The following DOCK1 variants were observed in gnomAD, a reference collection of about 807,000 sequenced individuals.
The protein encoded by DOCK1 is dedicator of cytokinesis protein 1.
A neutral mutation model predicts 262.7 loss-of-function variants in DOCK1; 138 were observed. The observed-to-expected ratio is 0.53, with a 90% CI of 0.46 to 0.61. The LOEUF is 0.61. Among genes scored for constraint, DOCK1 ranks in the 20% least tolerant of loss-of-function variants. DOCK1 has a pLI of 0.00. For synonymous variants in DOCK1, 866 were observed against 867.4 expected (o/e 1.00, Z 0.03); for missense variants, 1,908 against 2,370.7 (o/e 0.80, Z 4.05).
chr10:127,194,275 A>C (rs2056946339), intron 27 of DOCK1, among the ~76,000 whole-genome samples: 1 of 152,226 alleles, frequency 6.6e-6, no homozygotes, highest in East Asian at 1.9e-4. Context: ...TAATAAAACC[A>C]TCGTGAGGAG....
rs376797182 is a variant in DOCK1, at chr10:127,106,338, C to T, written c.2516+37C>T. The T allele has an allele frequency of 1.7e-5, 26 of 1,565,590 alleles. 1 individual carries two copies. Among genetic ancestry groups the T allele is most frequent in the Admixed American group, 9.4e-5 (5 of 53,162 alleles). On this transcript the variant is annotated intron_variant, in intron 24 of 51. Coordinates refer to ENST00000623213, the MANE Select transcript of DOCK1 (RefSeq NM_001290223.2). The stretch of plus-strand genomic sequence containing the variant: ...GCCCAGGCGAATGCTTGTCACGTGC[C>T]GTGTGTGACCTCCTTCTCAGTGTGC...
intron 29 of DOCK1, among the ~76,000 whole-genome samples, chr10:127,265,895 G>A (rs2060335432): frequency 6.6e-6 from 1 of 152,214 alleles, no homozygotes; most frequent in Admixed American, 6.5e-5. Context: ...TCGTGTTGGT[G>A]CTCAGAAGGC....
At chr10:127,082,014 C>T (rs2046932590) in intron 23 of DOCK1, among the ~76,000 whole-genome samples, 1 of 152,170 alleles carries the variant, frequency 6.6e-6, no homozygotes, top group Non-Finnish European at 1.5e-5. Context: ...ATGAGCCCTG[C>T]TTTCCTTTCC....
chr10:127,339,037 G>C lies in DOCK1; in HGVS notation c.3076G>C (p.Asp1026His), dbSNP rs556752202. ...CCTGCGAGCAATTAATCAGTATGCA[G>C]ATATGCTGAACAAAAAATTTCTGGA... Reference protein sequence around the residue: ...VFLRAINQYADMLNKKFLDQA... With the variant: ...VFLRAINQYAHMLNKKFLDQA... Residue 1026 changes from aspartate (D) to histidine (H), a missense_variant, in exon 30 of 52, where the codon GAT becomes CAT. Asp to His is a moderately conservative substitution (Grantham distance 81). Transcript: ENST00000623213. 2 of 1,583,194 alleles carry C rather than the reference G, an allele frequency of 1.3e-6. No homozygotes were observed. The highest frequency in any genetic ancestry group is 2.7e-5 in the African/African-American group (2 of 74,272).
rs770399255 is a variant in DOCK1 at position 127,447,445 on chromosome 10, C to G, written c.5465C>G (p.Pro1822Arg). Reference protein sequence around the residue: ...TGADVADVPPPLPLKGSVADY... With the variant: ...TGADVADVPPRLPLKGSVADY... ...GCGGACGTGGCCGATGTCCCACCCC[C>G]TCTGCCTCTCAAAGGCAGCGTGGCA... The change falls in exon 51 of 52, where the codon CCT (proline) becomes CGT (arginine). Residue 1822 changes from proline (P) to arginine (R), a missense_variant. This residue lies in a region of DOCK1 where 383 missense variants were observed against 420.1 expected (regional missense o/e 0.91). Coordinates refer to ENST00000623213, the MANE Select transcript of DOCK1 (RefSeq NM_001290223.2). The G allele has an allele frequency of 1.2e-6, 2 of 1,613,456 alleles. No homozygotes were observed. Among genetic ancestry groups the G allele is most frequent in the Non-Finnish European group, 1.7e-6 (2 of 1,179,706 alleles).
chr10:127,362,071 C>T lies in DOCK1; in HGVS notation c.3291C>T (p.His1097=), dbSNP rs774446753. 2 of 1,608,400 alleles carry T rather than the reference C, an allele frequency of 1.2e-6. No homozygotes were observed. Among genetic ancestry groups the T allele is most frequent in the South Asian group, 1.1e-5 (1 of 89,354 alleles). Residue 1097 remains histidine (H), a synonymous_variant, in exon 33 of 52, where the codon CAC becomes CAT. Coordinates refer to ENST00000623213, the MANE Select transcript of DOCK1 (RefSeq NM_001290223.2). The part of the protein sequence containing the change: ...IRDMWYNLGQ[H]KIKFIPEMVG... ...GTACCTCTTTTTTCCAAGGTCAACA[C>T]AAGATAAAGTTCATTCCAGAAATGG...
At chr10:127,125,627 T>TCCTGCCATTTGCCTGAA (rs770335837) in intron 26 of DOCK1, 26 bp downstream of exon 26, 59 of 1,601,380 alleles carry the variant, frequency 3.7e-5, no homozygotes, top group Non-Finnish European at 4.9e-5. Flanking sequence ...GTGCGTGACG[T>TCCTGCCATTTGCCTGAA]CCTGCCATTT....
intron 27 of DOCK1, among the ~76,000 whole-genome samples, chr10:127,200,196 C>T (rs1020731417): frequency 2.0e-5 from 3 of 152,060 alleles, no homozygotes; most frequent in African/African-American, 7.2e-5. Context: ...AGGGCGAGTC[C>T]ACTGTGCAAA....
At chr10:127,020,813 A>C (rs1564737846) in intron 13 of DOCK1, among the ~76,000 whole-genome samples, 3 of 152,132 alleles carry the variant, frequency 2.0e-5, no homozygotes, top group African/African-American at 7.2e-5. Flanking sequence ...CGCTGTCTTT[A>C]GCCTGCAGAA....
intron 40 of DOCK1, among the ~76,000 whole-genome samples, chr10:127,405,163 G>A (rs2067445963): frequency 6.6e-6 from 1 of 152,166 alleles, no homozygotes; most frequent in African/African-American, 2.4e-5. Flanking sequence ...AATTATATGG[G>A]AAATTGGAAA....
chr10:127,073,182 G>A (rs1186063020), intron 23 of DOCK1, among the ~76,000 whole-genome samples: 1 of 152,182 alleles, frequency 6.6e-6, no homozygotes, highest in Non-Finnish European at 1.5e-5. Context: ...TCAAAGGAAA[G>A]GTATTGCATG....
chr10:127,132,586 G>A (rs148069300), intron 27 of DOCK1, among the ~76,000 whole-genome samples: 1 of 152,218 alleles, frequency 6.6e-6, no homozygotes, highest in African/African-American at 2.4e-5. Context: ...CATCACACAC[G>A]GATCTGAGCA....
rs755224910 is a variant in DOCK1 at position 127,175,348 on chromosome 10, C to T, written c.2847+47584C>T. The T allele has an allele frequency of 1.2e-5, 20 of 1,614,024 alleles. No individual in the cohort carries two copies. The highest frequency in any genetic ancestry group is 5.3e-5 in the African/African-American group (4 of 74,928). On this transcript the variant is annotated intron_variant, in intron 27 of 51. Coordinates refer to ENST00000623213, the MANE Select transcript of DOCK1 (RefSeq NM_001290223.2). This position sits in a 1 kb window ranked among gnomAD's most constrained non-coding sequence, Gnocchi z 6.3. ...AGGTCGACCACTTCCGTATGAGGCA[C>T]GATTCGTTGGCATTCTTCACCTGCA...
At chr10:126,982,784 G>A (rs1020818667) in intron 4 of DOCK1, among the ~76,000 whole-genome samples, 2 of 152,058 alleles carry the variant, frequency 1.3e-5, no homozygotes, top group African/African-American at 4.8e-5. Flanking sequence ...CCTGCAATAT[G>A]GTACTTTTTA....
At chr10:127,157,802 T>C (rs1248746147) in intron 27 of DOCK1, among the ~76,000 whole-genome samples, 1 of 152,228 alleles carries the variant, frequency 6.6e-6, no homozygotes, top group East Asian at 1.9e-4. Context: ...GGGATCTTTC[T>C]TTTGTTTAAA....
chr10:127,124,170 G>A (rs1005778790), intron 25 of DOCK1, among the ~76,000 whole-genome samples: 10 of 152,054 alleles, frequency 6.6e-5, no homozygotes, highest in African/African-American at 2.4e-4. Flanking sequence ...AGTTCTAAGT[G>A]TGCTCTGTGT....
intron 23 of DOCK1, among the ~76,000 whole-genome samples, chr10:127,090,869 A>T (rs901995176): frequency 3.9e-5 from 6 of 152,064 alleles, no homozygotes; most frequent in African/African-American, 1.4e-4. Flanking sequence ...GACAGACCAC[A>T]GGTGTTTATC....
chr10:127,436,692 T>G (rs1181363134), intron 48 of DOCK1, among the ~76,000 whole-genome samples: 1 of 152,128 alleles, frequency 6.6e-6, no homozygotes, highest in Non-Finnish European at 1.5e-5. Flanking sequence ...TCTATAGCTA[T>G]TTCACTATGA....
At chr10:127,104,972 T>G (rs1269964524) in intron 23 of DOCK1, among the ~76,000 whole-genome samples, 3 of 152,188 alleles carry the variant, frequency 2.0e-5, no homozygotes, top group Non-Finnish European at 4.4e-5. Context: ...AAATCTCATC[T>G]TGAATTGTAG....
Sources: gnomAD v4.1 joint callset for allele counts (sites outside exome capture counted in the v4.1 genomes callset) on GRCh38, gnomAD v4.1.1 for gene constraint, gnomAD v4.1.1 regional missense constraint, Gnocchi (gnomAD v3.1) non-coding constraint, MANE v1.5 for transcripts, NCBI Gene and HGNC (gene_info 2026-07-23, HGNC 2026-07-21) for gene names.